The following THRB variants were observed in gnomAD, a reference collection of about 807,000 sequenced individuals.
The protein encoded by THRB is thyroid hormone receptor beta.
Under a neutral mutation model 47.8 loss-of-function variants are expected in THRB, and 12 were observed. The observed-to-expected ratio is 0.25, with a 90% CI of 0.16 to 0.41. THRB has a LOEUF of 0.41. Among genes scored for constraint, THRB ranks in the 10% least tolerant of loss-of-function variants. The pLI is 1.00. For missense variants in THRB, 348 were observed against 589.2 expected, an observed-to-expected ratio of 0.59 and a Z score of 4.24; for synonymous variants, 218 against 212.2, an observed-to-expected ratio of 1.03 and a Z score of -0.24.
intron 1 of THRB, among the ~76,000 whole-genome samples, chr3:24,366,436 A>T (rs997036008): frequency 2.0e-5 from 3 of 152,092 alleles, no homozygotes; most frequent in Admixed American, 6.6e-5. Flanking sequence ...ACCAAGGCCT[A>T]ACGGCTGCTG....
intron 5 of THRB, among the ~76,000 whole-genome samples, chr3:24,159,473 C>G: frequency 1.3e-5 from 2 of 152,138 alleles, no homozygotes; most frequent in South Asian, 4.2e-4. Flanking sequence ...TTATGTTGCA[C>G]GTATATATGG....
At chr3:24,274,035 T>C (rs573432815) in intron 3 of THRB, among the ~76,000 whole-genome samples, 4 of 152,174 alleles carry the variant, frequency 2.6e-5, no homozygotes, top group African/African-American at 7.2e-5. Context: ...AATAGAAAGA[T>C]TGTCAATCCT....
chr3:24,341,555 A>G (rs937238788), intron 1 of THRB, among the ~76,000 whole-genome samples: 1 of 152,040 alleles, frequency 6.6e-6, no homozygotes, highest in Non-Finnish European at 1.5e-5. Context: ...TTTAAGTACA[A>G]AATACAGTAT....
intron 2 of THRB, among the ~76,000 whole-genome samples, chr3:24,309,091 T>C (rs1447181229): frequency 6.6e-6 from 1 of 152,208 alleles, no homozygotes; most frequent in Non-Finnish European, 1.5e-5. Flanking sequence ...AGAGAGGCCA[T>C]CTCTGACCAC....
chr3:24,130,238 A>G (rs1257817419), intron 9 of THRB, among the ~76,000 whole-genome samples: 8 of 152,194 alleles, frequency 5.3e-5, no homozygotes. Context: ...AAAATGAAAC[A>G]GCTTGGACTT....
intron 4 of THRB, among the ~76,000 whole-genome samples, chr3:24,214,733 G>A (rs2046394764): frequency 6.6e-6 from 1 of 152,122 alleles, no homozygotes; most frequent in South Asian, 2.1e-4. Flanking sequence ...AACCTGGCCT[G>A]CAACCAGAGA....
intron 1 of THRB, among the ~76,000 whole-genome samples, chr3:24,344,342 T>C (rs934428660): frequency 6.6e-6 from 1 of 152,070 alleles, no homozygotes. Flanking sequence ...ATGTTTTCTA[T>C]CTGACATTTG....
intron 1 of THRB, among the ~76,000 whole-genome samples, chr3:24,423,547 AT>A (rs1252213725): frequency 6.6e-6 from 1 of 151,848 alleles, no homozygotes; most frequent in East Asian, 1.9e-4. Flanking sequence ...AACTTATTCA[AT>A]GCCCTTCAAC....
chr3:24,333,159 A>G lies in THRB; in HGVS notation c.-189+4141T>C, dbSNP rs73148401. ...ACCCGGATATATTTTCTAACTTGTG[A>G]ACAGCTCTTACAAGCAGTTTGGTGG... On this transcript the variant is annotated intron_variant, in intron 2 of 10. Coordinates refer to ENST00000646209, the MANE Select transcript of THRB (RefSeq NM_001354712.2). Among the ~76,000 whole-genome samples, 1,220 of 152,276 alleles carry G rather than the reference A, an allele frequency of 8.0e-3. 16 individuals are homozygous for G. The highest frequency in any genetic ancestry group is 0.028 in the African/African-American group (1,163 of 41,556).
At chr3:24,296,455 A>G (rs2056456387) in intron 3 of THRB, among the ~76,000 whole-genome samples, 1 of 152,246 alleles carries the variant, frequency 6.6e-6, no homozygotes. Context: ...CGTCTACTGC[A>G]ATTACGTGGT....
chr3:24,428,574 G>A (rs949319615), intron 1 of THRB, among the ~76,000 whole-genome samples: 3 of 151,998 alleles, frequency 2.0e-5, no homozygotes, highest in Admixed American at 6.6e-5. Context: ...TTGTTTGTCA[G>A]CATCATGATC....
chr3:24,431,312 T>C (rs1045016845), intron 1 of THRB, among the ~76,000 whole-genome samples: 1 of 149,968 alleles, frequency 6.7e-6, no homozygotes, highest in African/African-American at 2.5e-5. Flanking sequence ...TTATAATTAC[T>C]ATGAATCAAA....
intron 5 of THRB, among the ~76,000 whole-genome samples, chr3:24,154,129 G>GTTTTGTT (rs1384777797): frequency 1.3e-5 from 2 of 152,128 alleles, no homozygotes; most frequent in Non-Finnish European, 1.5e-5. Context: ...GTTTAGTAAT[G>GTTTTGTT]TACAGGATTA....
At chr3:24,430,988 C>G (rs2070334656) in intron 1 of THRB, 2 of 152,064 alleles carry the variant, frequency 1.3e-5, no homozygotes, top group African/African-American at 4.8e-5. Flanking sequence ...ATACTGTAAC[C>G]ATGTGCAGTT....
chr3:24,197,881 T>A (rs1280322601), intron 4 of THRB, among the ~76,000 whole-genome samples: 1 of 152,242 alleles, frequency 6.6e-6, no homozygotes, highest in Non-Finnish European at 1.5e-5. Flanking sequence ...TTATTCTTCC[T>A]TGTCCTCAGG....
chr3:24,235,026 T>C (rs1304963197), intron 3 of THRB, among the ~76,000 whole-genome samples: 1 of 152,232 alleles, frequency 6.6e-6, no homozygotes, highest in Non-Finnish European at 1.5e-5. Flanking sequence ...CCTGCTGCAG[T>C]GTGGAGGAGG....
intron 5 of THRB, among the ~76,000 whole-genome samples, chr3:24,162,331 G>T (rs2038985580): frequency 6.6e-6 from 1 of 152,122 alleles, no homozygotes; most frequent in Non-Finnish European, 1.5e-5. Flanking sequence ...ATTTGCAGGG[G>T]CCAGAAGTGT....
At position 24,437,167 on chromosome 3, in the gene THRB, C is replaced by T. The variant is rs76221428; in HGVS notation, c.-261+57485G>A. On this transcript the variant is annotated intron_variant, in intron 1 of 10. Transcript: ENST00000646209. ...TATATAATGAAATGTATATATATAACGAAATGTATATATATATATAATGAA... is the reference window on the plus strand; with the variant it reads ...TATATAATGAAATGTATATATATAATGAAATGTATATATATATATAATGAA... 7.3e-3 allele frequency among the ~76,000 whole-genome samples: 1,064 copies of T among 146,146 alleles called. 13 individuals are homozygous for T. The highest frequency in any genetic ancestry group is 0.02 in the African/African-American group (804 of 39,890).
At chr3:24,175,223 A>G (rs1380316334) in intron 5 of THRB, among the ~76,000 whole-genome samples, 1 of 152,246 alleles carries the variant, frequency 6.6e-6, no homozygotes, top group Non-Finnish European at 1.5e-5. Context: ...TAAGTTTTCA[A>G]GTAATGGGTT....
Sources: allele counts gnomAD v4.1 joint callset (sites outside exome capture counted in the v4.1 genomes callset), GRCh38; gene constraint gnomAD v4.1.1; transcripts MANE v1.5; gene names NCBI Gene and HGNC (gene_info 2026-07-23, HGNC 2026-07-21).